JAZF1: variants seen among roughly 807,000 people sequenced by gnomAD.
JAZF1 encodes juxtaposed with another zinc finger protein 1.
Under a neutral mutation model 26.4 loss-of-function variants are expected in JAZF1, and 8 were observed. That is an observed-to-expected ratio of 0.30 (90% confidence interval 0.18 to 0.55). The LOEUF is 0.55. JAZF1 is among the 20% of genes least tolerant of loss of function. The pLI, the probability that JAZF1 is intolerant of heterozygous loss-of-function variation, is 0.94. For synonymous variants in JAZF1, 126 were observed against 122.3 expected (o/e 1.03, Z -0.20); for missense variants, 199 against 322.0 (o/e 0.62, Z 2.92).
At chr7:27,911,595 C>T (rs1051349826) in intron 2 of JAZF1, among the ~76,000 whole-genome samples, 2 of 152,122 alleles carry the variant, frequency 1.3e-5, no homozygotes, top group Admixed American at 6.6e-5. Context: ...CCACATATGG[C>T]TAAGGGCTAC....
At chr7:27,970,070 T>C (rs1188545059) in intron 2 of JAZF1, among the ~76,000 whole-genome samples, 1 of 152,084 alleles carries the variant, frequency 6.6e-6, no homozygotes, top group Non-Finnish European at 1.5e-5. Flanking sequence ...ATGGCTCACA[T>C]GAGCAAATGA....
chr7:28,155,176 T>C (rs185961036), intron 1 of JAZF1, among the ~76,000 whole-genome samples: 7 of 152,290 alleles, frequency 4.6e-5, no homozygotes, highest in South Asian at 2.1e-4. Context: ...CTGGAACATA[T>C]GATGAAACAG....
At chr7:27,919,234 G>C (rs1784490818) in intron 2 of JAZF1, among the ~76,000 whole-genome samples, 1 of 152,114 alleles carries the variant, frequency 6.6e-6, no homozygotes, top group South Asian at 2.1e-4. Flanking sequence ...CTCAACATAG[G>C]TGTGTAGACT....
chr7:27,995,394 C>G (rs984509988), intron 1 of JAZF1, among the ~76,000 whole-genome samples: 1 of 152,220 alleles, frequency 6.6e-6, no homozygotes, highest in Non-Finnish European at 1.5e-5. Flanking sequence ...CATTCGACCA[C>G]TTTCATATCA....
At chr7:27,881,377 A>G (rs1291936647) in intron 3 of JAZF1, among the ~76,000 whole-genome samples, 1 of 152,184 alleles carries the variant, frequency 6.6e-6, no homozygotes, top group Non-Finnish European at 1.5e-5. Flanking sequence ...ATTTTCCTTT[A>G]CACGCAACAT....
chr7:28,080,712 A>G (rs1202672649), intron 1 of JAZF1, among the ~76,000 whole-genome samples: 2 of 152,240 alleles, frequency 1.3e-5, no homozygotes, highest in African/African-American at 2.4e-5. Flanking sequence ...TAGAGCAGTC[A>G]ACACATAAAA....
At chr7:28,016,114 A>G (rs1444375462) in intron 1 of JAZF1, among the ~76,000 whole-genome samples, 1 of 152,142 alleles carries the variant, frequency 6.6e-6, no homozygotes, top group African/African-American at 2.4e-5. Context: ...GTGCCTTCAG[A>G]CCAAGCCAGT....
chr7:28,083,786 G>T (rs977998821), intron 1 of JAZF1, among the ~76,000 whole-genome samples: 3 of 151,678 alleles, frequency 2.0e-5, no homozygotes, highest in Non-Finnish European at 4.4e-5. Context: ...AAAACATTGG[G>T]CCCTGACATT....
intron 2 of JAZF1, among the ~76,000 whole-genome samples, chr7:27,958,204 A>C (rs1785131256): frequency 6.6e-6 from 1 of 152,220 alleles, no homozygotes; most frequent in Admixed American, 6.5e-5. Context: ...GGATATTTTA[A>C]CATTCATTCC....
chr7:27,947,252 A>G (rs752417511), intron 2 of JAZF1, among the ~76,000 whole-genome samples: 2 of 152,358 alleles, frequency 1.3e-5, no homozygotes, highest in East Asian at 1.9e-4. Context: ...TTACTCTGCC[A>G]AAGGATGCTC....
At chr7:28,149,069 C>A (rs1241670154) in intron 1 of JAZF1, among the ~76,000 whole-genome samples, 2 of 152,164 alleles carry the variant, frequency 1.3e-5, no homozygotes, top group Non-Finnish European at 1.5e-5. Flanking sequence ...TCTTTGTCTC[C>A]TGGCATTACG....
intron 3 of JAZF1, among the ~76,000 whole-genome samples, chr7:27,857,387 C>G (rs546283475): frequency 1.3e-5 from 2 of 152,224 alleles, no homozygotes; most frequent in Admixed American, 6.5e-5. Flanking sequence ...CCCACCTGCG[C>G]CTCTCCCTCC....
chr7:27,997,134 G>T (rs1014152635), intron 1 of JAZF1, among the ~76,000 whole-genome samples: 1 of 152,138 alleles, frequency 6.6e-6, no homozygotes, highest in Non-Finnish European at 1.5e-5. Context: ...TACCTGCAGT[G>T]GGGGAGACCC....
At chr7:27,889,298 T>TG (rs1045831664) in intron 3 of JAZF1, among the ~76,000 whole-genome samples, 1 of 149,184 alleles carries the variant, frequency 6.7e-6, no homozygotes, top group South Asian at 2.1e-4. Flanking sequence ...TGGGGAAATA[T>TG]GGGGGGAGGG....
chr7:28,139,205 A>C (rs1461430225), intron 1 of JAZF1, among the ~76,000 whole-genome samples: 1 of 152,194 alleles, frequency 6.6e-6, no homozygotes, highest in African/African-American at 2.4e-5. Flanking sequence ...CCATCTATGA[A>C]GCTGCCAAGT....
chr7:28,077,273 G>A (rs903781786), intron 1 of JAZF1, among the ~76,000 whole-genome samples: 1 of 152,138 alleles, frequency 6.6e-6, no homozygotes, highest in African/African-American at 2.4e-5. Context: ...TCAGCTATTA[G>A]TTGCTTTTGG....
intron 1 of JAZF1, among the ~76,000 whole-genome samples, chr7:28,157,228 C>T (rs890169290): frequency 1.3e-5 from 2 of 152,244 alleles, no homozygotes; most frequent in Non-Finnish European, 2.9e-5. Context: ...CCTCTTCCCA[C>T]AGGCTGATAA....
At chr7:28,015,006 C>G (rs1403875648) in intron 1 of JAZF1, among the ~76,000 whole-genome samples, 1 of 151,054 alleles carries the variant, frequency 6.6e-6, no homozygotes, top group African/African-American at 2.4e-5. Context: ...TGCCACTCCT[C>G]AGACCCAGCA....
At chr7:27,981,773 C>A (rs914783543) in intron 2 of JAZF1, among the ~76,000 whole-genome samples, 1 of 152,084 alleles carries the variant, frequency 6.6e-6, no homozygotes, top group Non-Finnish European at 1.5e-5. Context: ...TCACTTTCTC[C>A]GAGATGACTT....
Sources: allele counts gnomAD v4.1 joint callset (sites outside exome capture counted in the v4.1 genomes callset), GRCh38; gene constraint gnomAD v4.1.1; transcripts MANE v1.5; gene names NCBI Gene and HGNC (gene_info 2026-07-23, HGNC 2026-07-21).